PALLD: variants seen among roughly 807,000 people sequenced by gnomAD.
The protein encoded by PALLD is palladin, cytoskeletal associated protein, also known as palladin.
A neutral mutation model predicts 123.5 loss-of-function variants in PALLD; 61 were observed. The ratio of observed to expected loss-of-function variants is 0.49; its 90% CI spans 0.40 to 0.61. The LOEUF (loss-of-function observed/expected upper bound fraction) is 0.61, where lower values mean the gene tolerates loss of function less well. Among genes scored for constraint, PALLD ranks in the 20% least tolerant of loss-of-function variants. PALLD has a pLI of 0.00. For missense variants in PALLD, 1,273 were observed against 1,377.0 expected (o/e 0.92, Z 1.20); for synonymous variants, 465 against 496.4 (o/e 0.94, Z 0.84).
chr4:168,625,908 G>C (rs1267001319), intron 2 of PALLD, among the ~76,000 whole-genome samples: 7 of 152,086 alleles, frequency 4.6e-5, no homozygotes, highest in Non-Finnish European at 1.0e-4. Flanking sequence ...AAAGATATTT[G>C]CTCATCCATG....
At chr4:168,712,009 C>A in intron 10 of PALLD, 86 bp downstream of exon 10, 1 of 1,170,050 alleles carries the variant, frequency 8.5e-7, no homozygotes, top group Non-Finnish European at 1.2e-6. Context: ...TGCCTGTATT[C>A]AACTATGTGG....
chr4:168,631,710 C>T, intron 2 of PALLD: 1 of 985,488 alleles, frequency 1.0e-6, no homozygotes, highest in Non-Finnish European at 1.2e-6. Flanking sequence ...GGGCCCAGGA[C>T]CTCTCGAGCG....
intron 10 of PALLD, among the ~76,000 whole-genome samples, chr4:168,808,903 TTGGG>T (rs753082713): frequency 3.9e-5 from 6 of 152,138 alleles, no homozygotes; most frequent in Non-Finnish European, 8.8e-5. Context: ...AAGATGAGAT[TTGGG>T]TGGGGACACA....
At chr4:168,558,601 C>T (rs1020834299) in intron 2 of PALLD, among the ~76,000 whole-genome samples, 6 of 152,124 alleles carry the variant, frequency 3.9e-5, no homozygotes, top group Admixed American at 2.0e-4. Flanking sequence ...GCTGAAGGGC[C>T]CAAGAGTCTT....
At chr4:168,847,270 TA>T (rs1308622198) in intron 10 of PALLD, among the ~76,000 whole-genome samples, 1 of 152,246 alleles carries the variant, frequency 6.6e-6, no homozygotes, top group East Asian at 1.9e-4. Context: ...CAGGCAGCTT[TA>T]TTGCTACACT....
At chr4:168,747,989 G>T (rs932867561) in intron 10 of PALLD, among the ~76,000 whole-genome samples, 7 of 152,158 alleles carry the variant, frequency 4.6e-5, no homozygotes, top group African/African-American at 1.7e-4. Context: ...TCCCCGTTGT[G>T]ATCAGCTTTC....
intron 2 of PALLD, among the ~76,000 whole-genome samples, chr4:168,633,870 T>C (rs1333618233): frequency 6.6e-6 from 1 of 152,244 alleles, no homozygotes; most frequent in African/African-American, 2.4e-5. Flanking sequence ...TTTGTTTCTC[T>C]GAGGTGCCTA....
chr4:168,595,269 G>T (rs1450363022), intron 2 of PALLD, among the ~76,000 whole-genome samples: 1 of 152,042 alleles, frequency 6.6e-6, no homozygotes. Flanking sequence ...TAAATACTGG[G>T]CTATTTTAAG....
intron 3 of PALLD, among the ~76,000 whole-genome samples, chr4:168,672,834 T>C (rs2150039545): frequency 6.6e-6 from 1 of 152,234 alleles, no homozygotes; most frequent in Middle Eastern, 3.4e-3. Context: ...CACCCTATTT[T>C]ATAGTTGAAG....
chr4:168,564,601 A>G (rs1768182868), intron 2 of PALLD, among the ~76,000 whole-genome samples: 1 of 152,200 alleles, frequency 6.6e-6, no homozygotes, highest in Non-Finnish European at 1.5e-5. Context: ...AAAATTCTTG[A>G]CTGAGACTAA....
At chr4:168,593,107 C>T (rs1410894418) in intron 2 of PALLD, among the ~76,000 whole-genome samples, 1 of 151,720 alleles carries the variant, frequency 6.6e-6, no homozygotes, top group Non-Finnish European at 1.5e-5. Context: ...CCCTAATAAT[C>T]TTCTATATAA....
At chr4:168,581,348 CA>C (rs1770256888) in intron 2 of PALLD, among the ~76,000 whole-genome samples, 1 of 151,772 alleles carries the variant, frequency 6.6e-6, no homozygotes, top group African/African-American at 2.4e-5. Context: ...ATAATGGCTG[CA>C]CCAGTTTCCA....
In PALLD at chr4:168,550,376, C is replaced by T. The variant is rs546715335; in HGVS notation, c.908+37964C>T. Among the ~76,000 whole-genome samples, 5 of 152,246 alleles carry T rather than the reference C, an allele frequency of 3.3e-5. 1 individual carries two copies. Among genetic ancestry groups the T allele is most frequent in the African/African-American group, 1.2e-4 (5 of 41,542 alleles). ...GAATTACCATATTCAAGTCATGGAG[C>T]TCCCCCAGGCCTACAAGTATTTGAG... is the stretch of plus-strand genomic sequence containing the variant. On this transcript the variant is annotated intron_variant, in intron 2 of 21. Transcript: ENST00000505667.
At chr4:168,687,392 G>C (rs563178875) in intron 6 of PALLD, among the ~76,000 whole-genome samples, 18 of 152,294 alleles carry the variant, frequency 1.2e-4, no homozygotes, top group African/African-American at 4.3e-4. Context: ...GTTTAGAACA[G>C]AAAATGTTTA....
chr4:168,871,588 G>A (rs1032707102), intron 10 of PALLD, among the ~76,000 whole-genome samples: 1 of 152,090 alleles, frequency 6.6e-6, no homozygotes, highest in African/African-American at 2.4e-5. Flanking sequence ...TCATTTTAAT[G>A]TCCACTAAAT....
At chr4:168,874,660 T>TA (rs1553964398) in intron 10 of PALLD, among the ~76,000 whole-genome samples, 1 of 151,552 alleles carries the variant, frequency 6.6e-6, no homozygotes. Context: ...TTTTTTTTTT[T>TA]AAGTCACATT....
At chr4:168,626,190 G>C (rs914285618) in intron 2 of PALLD, among the ~76,000 whole-genome samples, 7 of 151,818 alleles carry the variant, frequency 4.6e-5, no homozygotes, top group African/African-American at 1.7e-4. Flanking sequence ...CACGAGGTCA[G>C]GAGATCGAGA....
chr4:168,753,949 A>C (rs557553966), intron 10 of PALLD, among the ~76,000 whole-genome samples: 1 of 152,216 alleles, frequency 6.6e-6, no homozygotes. Context: ...AAGCCAATAA[A>C]TTTTGAGGTA....
chr4:168,917,769 TA>T (rs1316329143), intron 17 of PALLD, among the ~76,000 whole-genome samples: 2 of 152,212 alleles, frequency 1.3e-5, no homozygotes, highest in Non-Finnish European at 2.9e-5. Context: ...ACAGTATAAA[TA>T]CACAAATTGT....
Sources: allele counts gnomAD v4.1 joint callset (sites outside exome capture counted in the v4.1 genomes callset), GRCh38; gene constraint gnomAD v4.1.1; transcripts MANE v1.5; gene names NCBI Gene and HGNC (gene_info 2026-07-23, HGNC 2026-07-21).